The following VGLL4 variants were observed in gnomAD, a reference collection of about 807,000 sequenced individuals.
VGLL4 encodes the protein vestigial like family member 4.
In VGLL4, 7 loss-of-function variants were observed where a neutral mutation model predicts 21.0. The ratio of observed to expected loss-of-function variants is 0.33; its 90% confidence interval spans 0.19 to 0.63. The LOEUF (loss-of-function observed/expected upper bound fraction) is 0.63, where lower values mean the gene tolerates loss of function less well. Among genes scored for constraint, VGLL4 ranks in the 20% least tolerant of loss-of-function variants. The pLI is 0.78. For missense variants in VGLL4, 394 were observed against 425.7 expected, an observed-to-expected ratio of 0.93 and a Z score of 0.66; for synonymous variants, 222 against 173.2, an observed-to-expected ratio of 1.28 and a Z score of -2.21.
At chr3:11,636,680 TCCGGAAGTGTCCC>T (rs888195399) in intron 1 of VGLL4, among the ~76,000 whole-genome samples, 2 of 152,180 alleles carry the variant, frequency 1.3e-5, no homozygotes, top group African/African-American at 4.8e-5. Flanking sequence ...GCTATGTATC[TCCGGAAGTGTCCC>T]CCATGTTGCA....
At chr3:11,609,615 A>G (rs901200754) in intron 1 of VGLL4, among the ~76,000 whole-genome samples, 1 of 152,204 alleles carries the variant, frequency 6.6e-6, no homozygotes, top group Non-Finnish European at 1.5e-5. Flanking sequence ...AGATGGGGCG[A>G]GTGATTGGGT....
At chr3:11,605,362 C>G (rs1392801088) in intron 1 of VGLL4, among the ~76,000 whole-genome samples, 5 of 147,650 alleles carry the variant, frequency 3.4e-5, no homozygotes, top group South Asian at 2.2e-4. Context: ...AGCATGTTGG[C>G]CCATCCTCAC....
Position 11,719,838 on chromosome 3 carries a change from C to G in VGLL4, c.-14+556G>C, listed in dbSNP as rs551235004. Among the ~76,000 whole-genome samples, 411 of 152,234 alleles carry G rather than the reference C, an allele frequency of 2.7e-3. 4 individuals carry two copies. The highest frequency in any genetic ancestry group is 9.3e-3 in the African/African-American group (388 of 41,562). On this transcript the variant is annotated intron_variant, in intron 1 of 5. Transcript: ENST00000273038. The surrounding 1 kb of genome is among the most constrained non-coding windows in gnomAD (Gnocchi z 4.0). ...CCGGTGCCAGCTCGCACCTCCCGGG[C>G]CGATGCCGGCGCGCTGGGGCAGTGA...
intron 1 of VGLL4, among the ~76,000 whole-genome samples, chr3:11,625,701 T>C (rs1347439921): frequency 2.1e-5 from 3 of 140,252 alleles, no homozygotes; most frequent in Non-Finnish European, 4.7e-5. Context: ...GGAGCTAGTA[T>C]TGCTTCTTTA....
At chr3:11,590,663 A>AGAGTGTGT (rs1451263151) in intron 2 of VGLL4, among the ~76,000 whole-genome samples, 1 of 147,274 alleles carries the variant, frequency 6.8e-6, no homozygotes, top group South Asian at 2.2e-4. Flanking sequence ...CAAAATGAAG[A>AGAGTGTGT]GTGTGTGTGT....
intron 2 of VGLL4, among the ~76,000 whole-genome samples, chr3:11,689,519 T>A (rs1244390591): frequency 1.3e-5 from 2 of 152,232 alleles, no homozygotes; most frequent in African/African-American, 4.8e-5. Context: ...GCTACTTAGA[T>A]TCACTATACA....
chr3:11,591,862 A>G (rs1010597944), intron 2 of VGLL4, among the ~76,000 whole-genome samples: 1 of 152,252 alleles, frequency 6.6e-6, no homozygotes, highest in Non-Finnish European at 1.5e-5. Context: ...AACACACACA[A>G]CTGACATACA....
At chr3:11,692,785 G>A (rs1301170116) in intron 2 of VGLL4, among the ~76,000 whole-genome samples, 10 of 152,064 alleles carry the variant, frequency 6.6e-5, no homozygotes, top group African/African-American at 1.9e-4. Flanking sequence ...TCTTGAATTA[G>A]GCATCCAACT....
At chr3:11,708,393 A>G (rs1028223004) in intron 1 of VGLL4, among the ~76,000 whole-genome samples, 2 of 152,198 alleles carry the variant, frequency 1.3e-5, no homozygotes, top group African/African-American at 4.8e-5. Context: ...GGAGGGTGGG[A>G]AAAGGTGGGA....
In VGLL4 at chr3:11,556,501, T is replaced by TA; in HGVS notation, c.*2054_*2055insT. The TA allele has an allele frequency of 6.6e-6, 1 of 152,670 alleles. No homozygotes were observed. Among genetic ancestry groups the TA allele is most frequent in the East Asian group, 1.9e-4 (1 of 5,302 alleles). 9.5% of individuals were successfully genotyped at this position (152,670 alleles called of 1,614,324 possible). On this transcript the variant is annotated 3_prime_UTR_variant, in exon 5 of 5. Transcript: ENST00000430365. ...GTGGGTGGTTTTCCTGTTACGACGC[T>TA]CAGTAGCCTGTAGCAATAACAAACT...
chr3:11,612,562 C>T (rs187397020), intron 1 of VGLL4: 4 of 152,322 alleles, frequency 2.6e-5, no homozygotes, highest in East Asian at 1.9e-4. Flanking sequence ...CCTGGTTTCC[C>T]GATGCAGATT....
chr3:11,583,724 G>GC lies in VGLL4; in HGVS notation c.272+18108dup, dbSNP rs1172597149. On this transcript the variant is annotated intron_variant, in intron 2 of 4. Transcript: ENST00000430365. Reference sequence around the variant, plus strand: ...CCAGGCCTGCCTCTGGGAGACAGTGGCCATAGCCCCCTCAGCTCCGCCAAG... The same window carrying GC: ...CCAGGCCTGCCTCTGGGAGACAGTGGCCCATAGCCCCCTCAGCTCCGCCAAG... 2.6e-5 allele frequency among the ~76,000 whole-genome samples: 4 copies of GC among 152,174 alleles called. No homozygotes were observed. The East Asian group carries it at 7.7e-4, about 29-fold the overall frequency.
At chr3:11,627,228 A>ACTCTCT (rs1412462202) in intron 1 of VGLL4, 2 of 123,424 alleles carry the variant, frequency 1.6e-5, no homozygotes, top group African/African-American at 3.9e-5. Context: ...ACACACACAC[A>ACTCTCT]CACTCTCTCT....
At chr3:11,639,489 G>A (rs1432939634) in intron 1 of VGLL4, among the ~76,000 whole-genome samples, 1 of 152,260 alleles carries the variant, frequency 6.6e-6, no homozygotes, top group East Asian at 1.9e-4. Context: ...TCCACTGTGT[G>A]CTGTAATCCA....
At chr3:11,654,627 C>A (rs1372539711) in intron 2 of VGLL4, among the ~76,000 whole-genome samples, 1 of 152,182 alleles carries the variant, frequency 6.6e-6, no homozygotes, top group Non-Finnish European at 1.5e-5. Context: ...TTAACCTGCA[C>A]CTGTAAGTAT....
intron 1 of VGLL4, among the ~76,000 whole-genome samples, chr3:11,711,630 T>C (rs1228738108): frequency 6.6e-6 from 1 of 151,922 alleles, no homozygotes; most frequent in Non-Finnish European, 1.5e-5. Flanking sequence ...GGCAGAAGGA[T>C]GGCTTGAGCC....
At chr3:11,678,715 T>C (rs912080225) in intron 2 of VGLL4, among the ~76,000 whole-genome samples, 1 of 152,172 alleles carries the variant, frequency 6.6e-6, no homozygotes, top group Non-Finnish European at 1.5e-5. Context: ...CCCTCTTTGT[T>C]TATGTTGGAA....
chr3:11,658,172 C>A (rs960215437), intron 2 of VGLL4, among the ~76,000 whole-genome samples: 6 of 152,102 alleles, frequency 3.9e-5, no homozygotes, highest in Non-Finnish European at 8.8e-5. Context: ...TGGGCTCAAG[C>A]GACCCACCTG....
In VGLL4 at chr3:11,557,334, TTGTC is replaced by T. The variant is rs16340; in HGVS notation, c.*1218_*1221del. 19,259 of 152,742 alleles carry T rather than the reference TTGTC, an allele frequency of 0.13. 2,864 individuals carry two copies. The highest frequency in any genetic ancestry group is 0.36 in the African/African-American group (15,063 of 41,406). The allele number at this position is 152,742 out of a possible 1,614,324, so 9.5% of individuals were successfully genotyped here. ...AGCGTATAAAACACCATATCACAGA[TTGTC>T]TGTCAGTAATCTGCTGTTCAGCCAA... On this transcript the variant is annotated 3_prime_UTR_variant, in exon 5 of 5. Transcript: ENST00000430365.
Sources: allele counts gnomAD v4.1 joint callset (sites outside exome capture counted in the v4.1 genomes callset), GRCh38; gene constraint gnomAD v4.1.1; non-coding constraint Gnocchi (gnomAD v3.1); transcripts MANE v1.5; gene names NCBI Gene and HGNC (gene_info 2026-07-23, HGNC 2026-07-21).